The following KANTR variants were observed in gnomAD, a reference collection of about 807,000 sequenced individuals.
The protein encoded by KANTR is KANTR integral membrane protein.
chrX:53,143,284 CGTT>C, downstream of KANTR: 1 of 598,431 alleles, frequency 1.7e-6, no homozygotes, highest in Non-Finnish European at 2.8e-6. Context: ...CACACCTTCT[CGTT>C]GATGTCGCGC....
intron 2 of KANTR, among the ~76,000 whole-genome samples, chrX:53,111,973 A>T (rs868973390): frequency 9.3e-6 from 1 of 107,465 alleles, no homozygotes; most frequent in African/African-American, 3.6e-5. Flanking sequence ...TTTTTTAATT[A>T]TTTTTTTTTA....
chrX:53,097,350 G>GGTTTTTT (rs1932852091), intron 1 of KANTR, among the ~76,000 whole-genome samples: 2 of 67,977 alleles, frequency 2.9e-5, no homozygotes, highest in Admixed American at 4.8e-4. Context: ...TTTGTTTTAA[G>GGTTTTTT]TTTTTTTTTT....
At chrX:53,112,330 T>C (rs1933053955) in intron 2 of KANTR, among the ~76,000 whole-genome samples, 1 of 112,441 alleles carries the variant, frequency 8.9e-6, no homozygotes, top group Non-Finnish European at 1.9e-5. Context: ...TGAGTAGTAT[T>C]CCATGGTGTA....
chrX:53,146,785 C>T (rs1933582564), downstream of KANTR, among the ~76,000 whole-genome samples: 2 of 112,030 alleles, frequency 1.8e-5, no homozygotes, highest in Admixed American at 9.5e-5. Flanking sequence ...GGCAGAAACT[C>T]TACAAGCCAG....
At chrX:53,114,067 T>C (rs889195066) in intron 2 of KANTR, among the ~76,000 whole-genome samples, 1 of 109,439 alleles carries the variant, frequency 9.1e-6, no homozygotes, top group Non-Finnish European at 1.9e-5. Context: ...TCCAGCTAAT[T>C]TTTTTGTATT....
At chrX:53,141,690 G>A (rs182888193) in intron 2 of KANTR, among the ~76,000 whole-genome samples, 3 of 35,327 alleles carry the variant, frequency 8.5e-5, no homozygotes, top group East Asian at 4.3e-3. Flanking sequence ...TTTTTTTAAC[G>A]GCAGCACTTT....
At chrX:53,107,302 C>CTTTTTTTTTTTTTTTTTTTT (rs139264757) in intron 2 of KANTR, among the ~76,000 whole-genome samples, 2 of 61,659 alleles carry the variant, frequency 3.2e-5, no homozygotes, top group Non-Finnish European at 5.3e-5. Context: ...ATCCTCTTTG[C>CTTTTTTTTTTTTTTTTTTTT]TTTTTTTTTT....
At position 53,098,257 on chromosome X, in the gene KANTR, G is replaced by T. The variant is rs1230356012; in HGVS notation, c.-941-1215G>T. ...ACCATAGTCTATTAAGTGTACAATA[G>T]CATTGTATCAAAAAAAGTATTTACC... is the stretch of plus-strand genomic sequence containing the variant. On this transcript the variant is annotated intron_variant, in intron 1 of 2. Transcript: ENST00000604062. Among the ~76,000 whole-genome samples the T allele has an allele frequency of 8.1e-5, 9 of 110,689 alleles. No homozygotes were observed. The Admixed American group carries it at 8.7e-4, about 11-fold the overall frequency.
chrX:53,120,949 T>G (rs1933209669), intron 2 of KANTR, among the ~76,000 whole-genome samples: 1 of 109,033 alleles, frequency 9.2e-6, no homozygotes, highest in Non-Finnish European at 1.9e-5. Context: ...CTTGAACTCC[T>G]GACCTCAAAT....
chrX:53,130,109 C>A (rs782137927), downstream of KANTR, among the ~76,000 whole-genome samples: 5 of 111,382 alleles, frequency 4.5e-5, no homozygotes, highest in South Asian at 1.9e-3. Flanking sequence ...TGAAGTGATC[C>A]ATACACCTTG....
At chrX:53,111,955 A>G (rs1455896695) in intron 2 of KANTR, among the ~76,000 whole-genome samples, 1 of 110,488 alleles carries the variant, frequency 9.1e-6, no homozygotes, top group Non-Finnish European at 1.9e-5. Flanking sequence ...TCTCTCCTTC[A>G]TTTCTTGTTT....
intron 2 of KANTR, among the ~76,000 whole-genome samples, chrX:53,139,262 G>A (rs1290052249): frequency 1.8e-5 from 2 of 109,469 alleles, no homozygotes; most frequent in Admixed American, 2.0e-4. Context: ...GGTAGATTGA[G>A]GACCTAAATG....
At chrX:53,119,491 CATA>C (rs1412643218) in intron 2 of KANTR, among the ~76,000 whole-genome samples, 1 of 111,604 alleles carries the variant, frequency 9.0e-6, no homozygotes, top group East Asian at 2.8e-4. Flanking sequence ...ATATGAATAA[CATA>C]ATAATCTGAG....
chrX:53,101,187 A>G (rs1237507515), intron 2 of KANTR, among the ~76,000 whole-genome samples: 21 of 112,981 alleles, frequency 1.9e-4, no homozygotes, highest in Admixed American at 7.5e-4. Flanking sequence ...TCCTTCAAAA[A>G]CTTTTCCTTT....
chrX:53,106,146 C>T (rs1490860087), intron 2 of KANTR, among the ~76,000 whole-genome samples: 3 of 109,176 alleles, frequency 2.7e-5, no homozygotes, highest in Non-Finnish European at 5.7e-5. Flanking sequence ...CGTGAGCCAC[C>T]GCGCCTGGCC....
At chrX:53,141,378 G>T (rs1933499676) in intron 2 of KANTR, among the ~76,000 whole-genome samples, 1 of 111,092 alleles carries the variant, frequency 9.0e-6, no homozygotes, top group African/African-American at 3.3e-5. Flanking sequence ...TGCTCATCAT[G>T]ATACTTTGTT....
intron 2 of KANTR, among the ~76,000 whole-genome samples, chrX:53,137,258 G>C (rs1256611774): frequency 5.4e-5 from 6 of 112,007 alleles, no homozygotes; most frequent in Non-Finnish European, 1.1e-4. Flanking sequence ...TTTTGAGAGA[G>C]AACAGTTCTT....
chrX:53,129,268 T>TGTGTGTGTGTGTGTGTGTGTGTGTGTG (rs1569239787), downstream of KANTR, among the ~76,000 whole-genome samples: 1 of 106,402 alleles, frequency 9.4e-6, no homozygotes, highest in African/African-American at 3.4e-5. Flanking sequence ...TGTGTGTGTG[T>TGTGTGTGTGTGTGTGTGTGTGTGTGTG]TTAGTAGAGA....
intron 2 of KANTR, among the ~76,000 whole-genome samples, chrX:53,101,237 A>G (rs1432625450): frequency 8.9e-6 from 1 of 112,943 alleles, no homozygotes; most frequent in Non-Finnish European, 1.9e-5. Flanking sequence ...CAAGAAGCCT[A>G]GCCTTCGGCC....
Sources: gnomAD v4.1 joint callset for allele counts (sites outside exome capture counted in the v4.1 genomes callset) on GRCh38, gnomAD v4.1.1 for gene constraint, MANE v1.5 for transcripts, NCBI Gene and HGNC (gene_info 2026-07-23, HGNC 2026-07-21) for gene names.